THBS4: variants seen among roughly 807,000 people sequenced by gnomAD.
THBS4 encodes the protein thrombospondin 4.
Under a neutral mutation model 115.7 loss-of-function variants are expected in THBS4, and 90 were observed. The ratio of observed to expected loss-of-function variants is 0.78; its 90% CI spans 0.66 to 0.93. THBS4 has a LOEUF of 0.93. Among genes scored for constraint, THBS4 ranks in the 40% least tolerant of loss-of-function variants. The pLI is 0.00. For synonymous variants in THBS4, 460 were observed against 479.3 expected (o/e 0.96, Z 0.53); for missense variants, 1,087 against 1,232.7 (o/e 0.88, Z 1.77).
chr5:80,080,579 CTTTTTTTTTTTTTTT>C (rs67048630), intron 20 of THBS4, among the ~76,000 whole-genome samples: 2 of 50,464 alleles, frequency 4.0e-5, no homozygotes, highest in African/African-American at 7.9e-5. Flanking sequence ...GCGCTTGTAT[CTTTTTTTTTTTTTTT>C]TTTTTTTTTT....
chr5:80,082,976 CGGG>C, intron 21 of THBS4, 101 bp from the exon 22 acceptor site: 1 of 969,528 alleles, frequency 1.0e-6, no homozygotes, highest in Non-Finnish European at 1.6e-6. Flanking sequence ...GCGTCCTGGG[CGGG>C]CTAACAGCGC....
intron 2 of THBS4, among the ~76,000 whole-genome samples, chr5:80,025,223 G>A (rs754645679): frequency 6.6e-6 from 1 of 152,170 alleles, no homozygotes; most frequent in Admixed American, 6.5e-5. Flanking sequence ...AAGATGACGT[G>A]TGGATATATG....
chr5:79,997,575 T>C (rs544166953), intron 1 of THBS4, among the ~76,000 whole-genome samples: 55 of 152,084 alleles, frequency 3.6e-4, no homozygotes, highest in African/African-American at 1.3e-3. Context: ...TAAGCTATAG[T>C]TATACCCGAC....
rs1254096777 is a variant in THBS4, at chr5:80,035,643, GGGCCT to G, written c.88+21_88+25del. ...CCCCCAGGGTAAGTGGGTTCGGGTC[GGGCCT>G]GGGAGCGCCGGGCACCGGGTGCCCC... On this transcript the variant is annotated intron_variant, in intron 1 of 21. Transcript: ENST00000350881. This position sits in a 1 kb window ranked among gnomAD's most constrained non-coding sequence, Gnocchi z 4.6. 3 of 1,319,650 alleles carry G rather than the reference GGGCCT, an allele frequency of 2.3e-6. No homozygotes were observed. The highest frequency in any genetic ancestry group is 2.9e-6 in the Non-Finnish European group (3 of 1,032,792). 81.7% of individuals were successfully genotyped at this position (1,319,650 alleles called of 1,614,324 possible).
At chr5:80,038,454 C>T (rs2112025452) in intron 1 of THBS4, among the ~76,000 whole-genome samples, 1 of 152,116 alleles carries the variant, frequency 6.6e-6, no homozygotes, top group Middle Eastern at 3.4e-3. Flanking sequence ...TAATATAGAA[C>T]CCTTAAGTTG....
intron 10 of THBS4, chr5:80,068,640 G>A (rs529351926): frequency 1.3e-4 from 20 of 154,492 alleles, no homozygotes; most frequent in Admixed American, 4.5e-4. Context: ...GAAACCTTCC[G>A]TCTTTGGCAG....
intron 2 of THBS4, among the ~76,000 whole-genome samples, chr5:80,013,091 C>T (rs1324801767): frequency 2.6e-5 from 4 of 152,232 alleles, no homozygotes; most frequent in East Asian, 1.9e-4. Flanking sequence ...TGCCCTCTCC[C>T]GCCATCAAAA....
intron 15 of THBS4, among the ~76,000 whole-genome samples, chr5:80,074,047 A>G (rs1332709475): frequency 6.6e-6 from 1 of 152,172 alleles, no homozygotes; most frequent in African/African-American, 2.4e-5. Flanking sequence ...TCTAGCTCAT[A>G]GGACCATCGT....
chr5:80,034,447 C>T (rs1332984400), upstream of THBS4, among the ~76,000 whole-genome samples: 3 of 152,214 alleles, frequency 2.0e-5, no homozygotes, highest in Non-Finnish European at 2.9e-5. Context: ...GAGATTGTTA[C>T]AGAGGAGAAA....
rs1580993625 is a variant in THBS4 at position 80,079,237 on chromosome 5, A to T, written c.2490A>T (p.Ala830=). The T allele has an allele frequency of 7.4e-6, 12 of 1,612,134 alleles. No homozygotes were observed. In the East Asian group the frequency reaches 2.7e-4, roughly 36 times the overall value. ...AAGCCACCCCATTCCGAGCAGTTGC[A>T]GAACCTGGCATTCAGCTCAAGGTAT... The part of the protein sequence containing the change: ...YWQATPFRAV[A]EPGIQLKAVK... The change falls in exon 19 of 22, where the codon GCA becomes GCT. Residue 830 remains alanine (A), a synonymous_variant. Coordinates refer to ENST00000350881, the MANE Select transcript of THBS4 (RefSeq NM_003248.6).
At chr5:80,063,182 T>C (rs910169415) in intron 8 of THBS4, among the ~76,000 whole-genome samples, 3 of 152,154 alleles carry the variant, frequency 2.0e-5, no homozygotes, top group Admixed American at 1.3e-4. Flanking sequence ...TTCTCCACAT[T>C]CTCTTCAGCA....
At chr5:79,993,303 C>T (rs555147966) in intron 1 of THBS4, among the ~76,000 whole-genome samples, 1 of 152,228 alleles carries the variant, frequency 6.6e-6, no homozygotes, top group East Asian at 1.9e-4. Flanking sequence ...GCTGCAGTTC[C>T]TCTTGAGAGT....
At chr5:80,081,001 G>GTTTTGTTGTTGTT (rs1743477897) in intron 20 of THBS4, among the ~76,000 whole-genome samples, 2 of 152,134 alleles carry the variant, frequency 1.3e-5, no homozygotes, top group African/African-American at 4.8e-5. Context: ...TTTCTTTATA[G>GTTTTGTTGTTGTT]GACTTTTTTG....
chr5:80,077,120 C>T (rs900910505), intron 16 of THBS4, 72 bp downstream of exon 16: 9 of 1,389,654 alleles, frequency 6.5e-6, no homozygotes, highest in Non-Finnish European at 6.8e-6. Context: ...GGGCACGCCT[C>T]TCTCCAGGCA....
intron 1 of THBS4, among the ~76,000 whole-genome samples, chr5:79,992,350 AGATGGTCG>A (rs1470453734): frequency 1.1e-4 from 16 of 152,144 alleles, no homozygotes; most frequent in African/African-American, 3.6e-4. Context: ...TATTCCACTG[AGATGGTCG>A]GATCTTCTTA....
At chr5:80,051,070 C>T (rs1173112797) in intron 2 of THBS4, among the ~76,000 whole-genome samples, 1 of 152,084 alleles carries the variant, frequency 6.6e-6, no homozygotes, top group Non-Finnish European at 1.5e-5. Flanking sequence ...TTTGTTCCTT[C>T]TGCTATGTGT....
At chr5:80,059,537 G>A in intron 6 of THBS4, 46 bp downstream of exon 6, 1 of 1,609,758 alleles carries the variant, frequency 6.2e-7, no homozygotes, top group Admixed American at 1.7e-5. Context: ...GGATGATGCA[G>A]GCTGATGAAG....
chr5:80,045,780 T>G (rs1347517743), intron 2 of THBS4, among the ~76,000 whole-genome samples: 1 of 152,128 alleles, frequency 6.6e-6, no homozygotes, highest in Non-Finnish European at 1.5e-5. Flanking sequence ...ATCTGCCTGC[T>G]TCGGCCTCCC....
chr5:80,050,775 C>G (rs554507448), intron 2 of THBS4, among the ~76,000 whole-genome samples: 12 of 152,322 alleles, frequency 7.9e-5, no homozygotes, highest in African/African-American at 2.9e-4. Context: ...AAAGTTAGTT[C>G]GGCCTGTGCC....
Sources: allele counts gnomAD v4.1 joint callset (sites outside exome capture counted in the v4.1 genomes callset), GRCh38; gene constraint gnomAD v4.1.1; non-coding constraint Gnocchi (gnomAD v3.1); transcripts MANE v1.5; gene names NCBI Gene and HGNC (gene_info 2026-07-23, HGNC 2026-07-21).